Variants in SLIT2 observed in about 807,000 individuals in gnomAD.
The protein encoded by SLIT2 is slit homolog 2 protein.
Under a neutral mutation model 185.7 loss-of-function variants are expected in SLIT2, and 41 were observed. The ratio of observed to expected loss-of-function variants is 0.22; its 90% CI spans 0.17 to 0.29. The LOEUF (loss-of-function observed/expected upper bound fraction) is 0.29. SLIT2 is among the 10% of genes least tolerant of loss of function. SLIT2 has a pLI of 1.00. For missense variants in SLIT2, 1,571 were observed against 1,909.0 expected, an observed-to-expected ratio of 0.82 and a Z score of 3.30; for synonymous variants, 693 against 680.2, an observed-to-expected ratio of 1.02 and a Z score of -0.29.
chr4:20,495,303 CAG>C (rs1241004457), intron 9 of SLIT2, among the ~76,000 whole-genome samples: 1 of 151,990 alleles, frequency 6.6e-6, no homozygotes, highest in African/African-American at 2.4e-5. Context: ...ATTAGAAAGT[CAG>C]AATGAGTTTA....
intron 29 of SLIT2, among the ~76,000 whole-genome samples, chr4:20,587,926 T>C (rs974431606): frequency 2.0e-5 from 3 of 152,226 alleles, no homozygotes. Context: ...ATTTATTATG[T>C]ATCTCAAATG....
At chr4:20,600,980 G>C (rs921676609) in intron 33 of SLIT2, among the ~76,000 whole-genome samples, 14 of 151,450 alleles carry the variant, frequency 9.2e-5, no homozygotes, top group African/African-American at 3.4e-4. Context: ...AAGAAAGGAA[G>C]CAATGAAGAA....
intron 5 of SLIT2, among the ~76,000 whole-genome samples, chr4:20,479,552 A>G (rs570374697): frequency 6.6e-6 from 1 of 152,194 alleles, no homozygotes; most frequent in African/African-American, 2.4e-5. Context: ...CTCAAGTGAA[A>G]CGTCAAAATA....
intron 31 of SLIT2, 122 bp downstream of exon 31, chr4:20,595,956 G>C: frequency 1.2e-6 from 1 of 826,214 alleles, no homozygotes. Context: ...TGGATTGTTT[G>C]TAACACAAGG....
At chr4:20,295,802 A>G (rs1393654106) in intron 4 of SLIT2, among the ~76,000 whole-genome samples, 1 of 152,216 alleles carries the variant, frequency 6.6e-6, no homozygotes, top group East Asian at 1.9e-4. Context: ...AAGGGAATCT[A>G]TAATTGCAGC....
intron 4 of SLIT2, among the ~76,000 whole-genome samples, chr4:20,391,039 A>C (rs1367362686): frequency 1.3e-5 from 2 of 152,072 alleles, no homozygotes; most frequent in Non-Finnish European, 1.5e-5. Flanking sequence ...GATGGAAAAC[A>C]TACTGTGCTT....
rs1045110726 is a variant in SLIT2 at position 20,463,330 on chromosome 4, C to T, written c.396-4422C>T. Among the ~76,000 whole-genome samples, 35 of 151,244 alleles carry T rather than the reference C, an allele frequency of 2.3e-4. 1 individual carries two copies. The highest frequency in any genetic ancestry group is 1.5e-4 in the Non-Finnish European group (10 of 67,812). ...AGATCTCATTTGATTTGGAAGGTGG[C>T]CTGGGTCAACCAAGCCGCCAATGAC... On this transcript the variant is annotated intron_variant, in intron 4 of 36. Transcript: ENST00000504154.
chr4:20,450,538 T>G (rs1456052000), intron 4 of SLIT2, among the ~76,000 whole-genome samples: 7 of 152,176 alleles, frequency 4.6e-5, no homozygotes, highest in African/African-American at 1.7e-4. Flanking sequence ...TCACTCCAGA[T>G]GGACAAGACC....
At chr4:20,283,707 C>T (rs1715009002) in intron 4 of SLIT2, among the ~76,000 whole-genome samples, 1 of 152,116 alleles carries the variant, frequency 6.6e-6, no homozygotes, top group Admixed American at 6.5e-5. Context: ...AAAACAGAAT[C>T]ATAAAATTAG....
intron 4 of SLIT2, among the ~76,000 whole-genome samples, chr4:20,443,626 G>A (rs186498967): frequency 3.8e-5 from 5 of 132,464 alleles, no homozygotes; most frequent in Admixed American, 7.8e-5. Flanking sequence ...TTTGGAACTA[G>A]ACCAGGAATG....
chr4:20,268,054 C>G (rs10516354), intron 3 of SLIT2, among the ~76,000 whole-genome samples: 7,698 of 151,954 alleles, frequency 0.051, 491 homozygotes, highest in African/African-American at 0.15. Flanking sequence ...GACTACATCA[C>G]AGATAGTATT....
At chr4:20,374,821 C>G (rs1010576923) in intron 4 of SLIT2, among the ~76,000 whole-genome samples, 1 of 152,016 alleles carries the variant, frequency 6.6e-6, no homozygotes, top group African/African-American at 2.4e-5. Flanking sequence ...GGTTTCTTCG[C>G]TGTGACAATA....
At chr4:20,449,988 A>G (rs980088091) in intron 4 of SLIT2, among the ~76,000 whole-genome samples, 1 of 152,116 alleles carries the variant, frequency 6.6e-6, no homozygotes, top group African/African-American at 2.4e-5. Context: ...TACTGAAAAC[A>G]TTATTTAAAA....
intron 4 of SLIT2, among the ~76,000 whole-genome samples, chr4:20,357,355 A>G (rs1722407986): frequency 6.6e-6 from 1 of 152,168 alleles, no homozygotes; most frequent in African/African-American, 2.4e-5. Context: ...ATATAAAATG[A>G]ATGTGATGTT....
In SLIT2 at chr4:20,487,579, C is replaced by T. The variant is rs146873371; in HGVS notation, c.612-1240C>T. Among the ~76,000 whole-genome samples, 15 of 152,096 alleles carry T rather than the reference C, an allele frequency of 9.9e-5. No homozygotes were observed. In the East Asian group the frequency reaches 1.4e-3, roughly 14 times the overall value. ...ATTTTTATAATGTGCTTGGTTTAGA[C>T]GGAAATATTTAGAGTACAAGGATAT... On this transcript the variant is annotated intron_variant, in intron 7 of 36. Coordinates refer to ENST00000504154, the MANE Select transcript of SLIT2 (RefSeq NM_004787.4).
At chr4:20,363,613 A>G (rs922248844) in intron 4 of SLIT2, among the ~76,000 whole-genome samples, 3 of 152,132 alleles carry the variant, frequency 2.0e-5, no homozygotes, top group Non-Finnish European at 4.4e-5. Flanking sequence ...TAAAAACTGC[A>G]GTGAATAAAA....
chr4:20,343,552 A>C (rs73234469), intron 4 of SLIT2, among the ~76,000 whole-genome samples: 1 of 151,696 alleles, frequency 6.6e-6, no homozygotes, highest in African/African-American at 2.4e-5. Context: ...CCCAGGCTGG[A>C]GGGCACCGAC....
At chr4:20,292,787 T>A (rs1716086829) in intron 4 of SLIT2, among the ~76,000 whole-genome samples, 1 of 152,246 alleles carries the variant, frequency 6.6e-6, no homozygotes, top group Non-Finnish European at 1.5e-5. Flanking sequence ...CTTTTTCTTT[T>A]TTCTTTATTT....
At chr4:20,353,900 A>C (rs374797287) in intron 4 of SLIT2, among the ~76,000 whole-genome samples, 2 of 152,346 alleles carry the variant, frequency 1.3e-5, no homozygotes, top group African/African-American at 4.8e-5. Flanking sequence ...CAGTTTACTA[A>C]GTTTTTGGTA....
Sources: gnomAD v4.1 joint callset for allele counts (sites outside exome capture counted in the v4.1 genomes callset) on GRCh38, gnomAD v4.1.1 for gene constraint, MANE v1.5 for transcripts, NCBI Gene and HGNC (gene_info 2026-07-23, HGNC 2026-07-21) for gene names.